The following EPB41L3 variants were observed in gnomAD, a reference collection of about 807,000 sequenced individuals.
EPB41L3 encodes band 4.1-like protein 3.
A neutral mutation model predicts 127.1 loss-of-function variants in EPB41L3; 57 were observed. That is an observed-to-expected ratio of 0.45 (90% confidence interval 0.36 to 0.56). The LOEUF (loss-of-function observed/expected upper bound fraction) is 0.56, where lower values mean the gene tolerates loss of function less well. Among genes scored for constraint, EPB41L3 ranks in the 20% least tolerant of loss-of-function variants. The probability of loss-of-function intolerance (pLI) is 0.00; values close to 1 mark genes in which losing one functional copy is unlikely to be tolerated. For synonymous variants in EPB41L3, 572 were observed against 549.5 expected (o/e 1.04, Z -0.57); for missense variants, 1,273 against 1,372.2 (o/e 0.93, Z 1.14).
chr18:5,592,673 G>T (rs1227014304), intron 3 of EPB41L3, among the ~76,000 whole-genome samples: 1 of 152,184 alleles, frequency 6.6e-6, no homozygotes, highest in Non-Finnish European at 1.5e-5. Context: ...GAGGCAGAGG[G>T]GTTGGGACAT....
chr18:5,600,660 G>A (rs1375699649), intron 3 of EPB41L3, among the ~76,000 whole-genome samples: 2 of 152,036 alleles, frequency 1.3e-5, no homozygotes, highest in African/African-American at 4.8e-5. Context: ...AACCAAAAAA[G>A]GCACTCATCC....
At chr18:5,471,152 G>A (rs1029701777) in intron 3 of EPB41L3, among the ~76,000 whole-genome samples, 8 of 152,160 alleles carry the variant, frequency 5.3e-5, no homozygotes, top group Non-Finnish European at 8.8e-5. Flanking sequence ...TGATGTAGCC[G>A]GTGTGCTTTC....
At chr18:5,421,912 T>C (rs2077519647) in intron 11 of EPB41L3, among the ~76,000 whole-genome samples, 1 of 152,098 alleles carries the variant, frequency 6.6e-6, no homozygotes, top group South Asian at 2.1e-4. Flanking sequence ...AATCTCAGAC[T>C]TCACTACTAT....
Position 5,416,061 on chromosome 18 carries a change from GA to G in EPB41L3, c.1823del (p.Phe608SerfsTer67). 6.2e-7 allele frequency: 1 copy of G among 1,613,648 alleles called. No homozygotes were observed. The highest frequency in any genetic ancestry group is 8.5e-7 in the Non-Finnish European group (1 of 1,179,706). ...SLLDDDGYLS[F>X]PNLSETNLLP... ...GGAGGTTGGTTTCAGAAAGGTTGGG[GA>G]AAGAGAGGTATCCATCATCATCTAG... On this transcript the variant is annotated frameshift_variant, in exon 13 of 23. Coordinates refer to ENST00000341928, the MANE Select transcript of EPB41L3 (RefSeq NM_012307.5). LOFTEE classifies it high-confidence loss of function.
chr18:5,398,612 G>C, intron 16 of EPB41L3: 1 of 402,046 alleles, frequency 2.5e-6, no homozygotes, highest in Non-Finnish European at 4.4e-6. Flanking sequence ...TGTCATGCTG[G>C]AATTGCAAAC....
intron 3 of EPB41L3, among the ~76,000 whole-genome samples, chr18:5,599,463 T>C (rs1225570088): frequency 6.6e-6 from 1 of 152,104 alleles, no homozygotes. Context: ...TAGATCTGTG[T>C]CCCCACCCAA....
rs751919094 is a variant in EPB41L3, at chr18:5,406,775, ACCTCTT to A, written c.2345_2349+1del. 2.3e-5 allele frequency: 37 copies of A among 1,612,304 alleles called. No individual in the cohort carries two copies. Among genetic ancestry groups the A allele is most frequent in the Admixed American group, 3.3e-5 (2 of 59,926 alleles). On this transcript the variant is annotated splice_donor_variant and coding_sequence_variant, in exon 16 of 23. Transcript: ENST00000341928. LOFTEE classifies it high-confidence loss of function. ...AGTCTGACCACAAACCTGACTACTG[ACCTCTT>A]CAGGGACAAGTGGTTCGATCATGGG...
intron 3 of EPB41L3, among the ~76,000 whole-genome samples, chr18:5,464,019 C>T (rs1022255033): frequency 2.0e-5 from 3 of 152,020 alleles, no homozygotes; most frequent in African/African-American, 7.2e-5. Context: ...TCATTTCCTG[C>T]CCATGGGTCC....
At chr18:5,608,418 G>C (rs1165112011) in intron 3 of EPB41L3, among the ~76,000 whole-genome samples, 2 of 152,188 alleles carry the variant, frequency 1.3e-5, no homozygotes, top group African/African-American at 4.8e-5. Flanking sequence ...TCCGGAAAAA[G>C]AGAGGGAGAG....
chr18:5,396,429 G>C, intron 18 of EPB41L3, 97 bp from the exon 19 acceptor site: 3 of 1,418,702 alleles, frequency 2.1e-6, no homozygotes, highest in East Asian at 2.3e-5. Flanking sequence ...GCACAGGTTA[G>C]TATGCTATAA....
chr18:5,622,664 T>G (rs143675466), intron 1 of EPB41L3, among the ~76,000 whole-genome samples: 2 of 152,308 alleles, frequency 1.3e-5, no homozygotes, highest in African/African-American at 4.8e-5. Flanking sequence ...AGACAACTAT[T>G]TTAGGCAGAA....
chr18:5,626,123 C>T (rs1196506391), intron 1 of EPB41L3, among the ~76,000 whole-genome samples: 2 of 152,104 alleles, frequency 1.3e-5, no homozygotes, highest in Non-Finnish European at 1.5e-5. Flanking sequence ...GTCCTTTTAG[C>T]TCCCACATCT....
intron 6 of EPB41L3, among the ~76,000 whole-genome samples, chr18:5,436,488 A>G (rs547347139): frequency 2.1e-5 from 3 of 142,564 alleles, no homozygotes; most frequent in Non-Finnish European, 3.0e-5. Flanking sequence ...GGCTCACTGC[A>G]AGCTCCGCCT....
intron 1 of EPB41L3, among the ~76,000 whole-genome samples, chr18:5,505,943 C>G (rs1453697975): frequency 6.6e-6 from 1 of 151,322 alleles, no homozygotes; most frequent in East Asian, 2.0e-4. Flanking sequence ...ACCTCTTACC[C>G]TCCCTACCAT....
At chr18:5,480,792 G>C (rs1379804732) in intron 2 of EPB41L3, 1 of 152,080 alleles carries the variant, frequency 6.6e-6, no homozygotes, top group African/African-American at 2.4e-5. Flanking sequence ...CTCTTGTTTT[G>C]TATCTGACTG....
chr18:5,430,479 C>G (rs976988288), intron 8 of EPB41L3, among the ~76,000 whole-genome samples: 1 of 151,162 alleles, frequency 6.6e-6, no homozygotes, highest in Admixed American at 6.6e-5. Flanking sequence ...TTTCATTAAT[C>G]GCACGGCAAA....
chr18:5,439,181 T>TC (rs1288395941), intron 5 of EPB41L3, among the ~76,000 whole-genome samples: 1 of 151,922 alleles, frequency 6.6e-6, no homozygotes, highest in Non-Finnish European at 1.5e-5. Context: ...TTCCTCCCAG[T>TC]CCCCCAGGCT....
intron 2 of EPB41L3, among the ~76,000 whole-genome samples, chr18:5,483,687 A>C (rs2089055884): frequency 1.3e-5 from 2 of 152,224 alleles, no homozygotes; most frequent in Admixed American, 1.3e-4. Context: ...TACTTATATA[A>C]GAGAGACTAA....
intron 1 of EPB41L3, among the ~76,000 whole-genome samples, chr18:5,542,789 A>C (rs1361143858): frequency 6.6e-6 from 1 of 152,220 alleles, no homozygotes; most frequent in Non-Finnish European, 1.5e-5. Flanking sequence ...ATTGCAAGGG[A>C]CCACAGTTAC....
Sources: gnomAD v4.1 joint callset for allele counts (sites outside exome capture counted in the v4.1 genomes callset) on GRCh38, gnomAD v4.1.1 for gene constraint, MANE v1.5 for transcripts, NCBI Gene and HGNC (gene_info 2026-07-23, HGNC 2026-07-21) for gene names.